The following ANKS1A variants were observed in gnomAD, a reference collection of about 807,000 sequenced individuals.
ANKS1A encodes ankyrin repeat and SAM domain-containing protein 1A.
ANKS1A carries 55 observed loss-of-function variants against 120.3 expected under a neutral mutation model. The ratio of observed to expected loss-of-function variants is 0.46; its 90% CI spans 0.37 to 0.57. The LOEUF is 0.57. ANKS1A is among the 20% of genes least tolerant of loss of function. ANKS1A has a pLI of 0.00. For missense variants in ANKS1A, 1,123 were observed against 1,480.3 expected (o/e 0.76, Z 3.96); for synonymous variants, 590 against 604.7 (o/e 0.98, Z 0.36).
chr6:35,061,157 G>A (rs1469591089), intron 13 of ANKS1A, among the ~76,000 whole-genome samples: 2 of 152,202 alleles, frequency 1.3e-5, no homozygotes, highest in Non-Finnish European at 2.9e-5. Flanking sequence ...TTGCCCAGAT[G>A]AAGGAAATGA....
rs1354451285 is a variant in ANKS1A at position 35,044,605 on chromosome 6, C to A, written c.2011-9494C>A. Among the ~76,000 whole-genome samples, 1 of 152,158 alleles carries A rather than the reference C, an allele frequency of 6.6e-6. No individual in the cohort carries two copies. The highest frequency in any genetic ancestry group is 2.4e-5 in the African/African-American group (1 of 41,448). ...GCTGCCTTGTAGAAAGGCGTCACTC[C>A]CTCACATAAAACGTTTTGTCCTGAA... On this transcript the variant is annotated intron_variant, in intron 11 of 23. Transcript: ENST00000360359. The surrounding 1 kb of genome is among the most constrained non-coding windows in gnomAD (Gnocchi z 4.4).
Position 35,082,705 on chromosome 6 carries a change from G to A in ANKS1A, c.2724G>A (p.Glu908=). 3.1e-6 allele frequency: 5 copies of A among 1,611,726 alleles called. No individual in the cohort carries two copies. Among genetic ancestry groups the A allele is most frequent in the Non-Finnish European group, 4.2e-6 (5 of 1,178,902 alleles). ...ERFRIQEEHR[E]AKLTLRPPSL... ...GTGTTTCGCAGGAGGAGCACCGTGA[G>A]GCCAAGCTGACCCTGCGGCCCCCGA... is the stretch of plus-strand genomic sequence containing the variant. Residue 908 remains glutamate, a synonymous_variant, in exon 18 of 24, where the codon GAG becomes GAA. Coordinates refer to ENST00000360359, the MANE Select transcript of ANKS1A (RefSeq NM_015245.3). The surrounding 1 kb of genome is among the most constrained non-coding windows in gnomAD (Gnocchi z 4.1).
intron 1 of ANKS1A, among the ~76,000 whole-genome samples, chr6:34,957,553 T>G (rs192789666): frequency 6.4e-4 from 98 of 152,342 alleles, no homozygotes; most frequent in African/African-American, 2.3e-3. Flanking sequence ...TTGAAAGCCT[T>G]TGGCAGAAAA....
intron 1 of ANKS1A, among the ~76,000 whole-genome samples, chr6:34,894,958 A>G (rs1294482293): frequency 6.6e-6 from 1 of 152,214 alleles, no homozygotes; most frequent in Non-Finnish European, 1.5e-5. Context: ...ATGTGGCTTT[A>G]AACTAATTTT....
At chr6:34,892,752 C>T (rs1219823366) in intron 1 of ANKS1A, among the ~76,000 whole-genome samples, 2 of 152,216 alleles carry the variant, frequency 1.3e-5, no homozygotes, top group Non-Finnish European at 2.9e-5. Flanking sequence ...GTCTTTGGAG[C>T]ACGTCATCTG....
intron 11 of ANKS1A, among the ~76,000 whole-genome samples, chr6:35,029,393 G>A (rs1386624450): frequency 1.6e-5 from 2 of 127,360 alleles, no homozygotes; most frequent in Admixed American, 9.1e-5. Flanking sequence ...CTGTCACCCC[G>A]GCTGGAGTGC....
intron 1 of ANKS1A, among the ~76,000 whole-genome samples, chr6:34,966,944 T>C (rs964992139): frequency 6.6e-6 from 1 of 152,192 alleles, no homozygotes; most frequent in African/African-American, 2.4e-5. Context: ...CTGTCTTTGA[T>C]GACCTTTCAA....
chr6:34,980,610 A>C (rs1192707770), intron 3 of ANKS1A, among the ~76,000 whole-genome samples: 1 of 152,106 alleles, frequency 6.6e-6, no homozygotes, highest in African/African-American at 2.4e-5. Context: ...TAACTGACAA[A>C]CCCCCTCTTA....
At chr6:34,981,295 A>T (rs1307093621) in intron 3 of ANKS1A, among the ~76,000 whole-genome samples, 2 of 152,240 alleles carry the variant, frequency 1.3e-5, no homozygotes, top group Non-Finnish European at 2.9e-5. Context: ...ATAGGGTTGA[A>T]TGCCTACAAA....
At chr6:34,992,727 T>G (rs1015312763) in intron 9 of ANKS1A, among the ~76,000 whole-genome samples, 15 of 152,308 alleles carry the variant, frequency 9.8e-5, no homozygotes, top group African/African-American at 3.4e-4. Flanking sequence ...TGAAATAGCT[T>G]TTAGCTTCCA....
At chr6:34,891,980 A>C (rs1251867668) in intron 1 of ANKS1A, among the ~76,000 whole-genome samples, 1 of 152,220 alleles carries the variant, frequency 6.6e-6, no homozygotes. Flanking sequence ...AATTCTGCTG[A>C]GGATTTAACT....
At position 34,982,208 on chromosome 6, in the gene ANKS1A, A is replaced by G. The variant is rs1473276621; in HGVS notation, c.732+222A>G. On this transcript the variant is annotated intron_variant, in intron 4 of 23. Transcript: ENST00000360359. This position sits in a 1 kb window ranked among gnomAD's most constrained non-coding sequence, Gnocchi z 4.9. The stretch of plus-strand genomic sequence containing the variant: ...TCTTTTCAGGGGGTAATCCGTAGTC[A>G]TTAAACCCTGAAAAGATGTGCTTAT... Among the ~76,000 whole-genome samples the G allele has an allele frequency of 6.6e-6, 1 of 152,202 alleles. No individual in the cohort carries two copies. The highest frequency in any genetic ancestry group is 2.4e-5 in the African/African-American group (1 of 41,446).
At chr6:35,059,427 G>A (rs896851131) in intron 12 of ANKS1A, among the ~76,000 whole-genome samples, 5 of 152,228 alleles carry the variant, frequency 3.3e-5, no homozygotes, top group African/African-American at 9.6e-5. Flanking sequence ...ACAAAGGGCC[G>A]GTGGCCATGG....
At chr6:34,976,836 T>C (rs1258707973) in intron 3 of ANKS1A, among the ~76,000 whole-genome samples, 2 of 152,060 alleles carry the variant, frequency 1.3e-5, no homozygotes, top group Non-Finnish European at 2.9e-5. Context: ...ATATTTGATA[T>C]TAAGTCATGG....
chr6:35,078,580 A>G lies in ANKS1A; in HGVS notation c.2207A>G (p.Gln736Arg). 1 of 1,610,456 alleles carries G rather than the reference A, an allele frequency of 6.2e-7. No homozygotes were observed. Among genetic ancestry groups the G allele is most frequent in the Non-Finnish European group, 8.5e-7 (1 of 1,179,946 alleles). The part of the protein sequence containing the change: ...HFLGSNVMEE[Q>R]DLRDIGISDP... The stretch of plus-strand genomic sequence containing the variant: ...CAGGGGTCTAATGTGATGGAAGAGC[A>G]GGACCTGCGGGACATCGGCATCAGC... Residue 736 changes from glutamine to arginine, a missense_variant, in exon 14 of 24, where the codon CAG (glutamine) becomes CGG (arginine). Transcript: ENST00000360359.
intron 10 of ANKS1A, among the ~76,000 whole-genome samples, chr6:35,005,515 T>A (rs181436903): frequency 1.1e-3 from 161 of 152,300 alleles, no homozygotes; most frequent in African/African-American, 3.7e-3. Context: ...AGATTAAAAT[T>A]TAACCAAAAG....
intron 10 of ANKS1A, among the ~76,000 whole-genome samples, chr6:35,002,783 G>C (rs1011797648): frequency 6.6e-6 from 1 of 151,798 alleles, no homozygotes; most frequent in Admixed American, 6.6e-5. Flanking sequence ...ATATTGCATA[G>C]CTAGAAAAAA....
At position 35,073,963 on chromosome 6, in the gene ANKS1A, G is replaced by A. The variant is rs559353705; in HGVS notation, c.2185-4595G>A. Among the ~76,000 whole-genome samples, 30 of 152,364 alleles carry A rather than the reference G, an allele frequency of 2.0e-4. 1 individual carries two copies. In the South Asian group the frequency reaches 3.7e-3, roughly 19 times the overall value. On this transcript the variant is annotated intron_variant, in intron 13 of 23. Coordinates refer to ENST00000360359, the MANE Select transcript of ANKS1A (RefSeq NM_015245.3). ...ATTGGGAGGACCCCGCGCTGCGCCC[G>A]GAATGTGCTCTGGCAATGGTTTGCC...
At chr6:35,078,681 T>C (rs1228732991) in intron 14 of ANKS1A, 25 bp downstream of exon 14, 1 of 1,598,288 alleles carries the variant, frequency 6.3e-7, no homozygotes. Context: ...CCCTGTAGCC[T>C]CAGCCCGTGC....
Sources: gnomAD v4.1 joint callset for allele counts (sites outside exome capture counted in the v4.1 genomes callset) on GRCh38, gnomAD v4.1.1 for gene constraint, Gnocchi (gnomAD v3.1) non-coding constraint, MANE v1.5 for transcripts, NCBI Gene and HGNC (gene_info 2026-07-23, HGNC 2026-07-21) for gene names.